FILIP1: variants seen among roughly 807,000 people sequenced by gnomAD.
The protein encoded by FILIP1 is filamin A interacting protein 1, also known as filamin-A-interacting protein 1.
In FILIP1, 61 loss-of-function variants were observed where a neutral mutation model predicts 102.1. The observed-to-expected ratio is 0.60, with a 90% CI of 0.49 to 0.74. The LOEUF (loss-of-function observed/expected upper bound fraction) is 0.74. Among genes scored for constraint, FILIP1 ranks in the 30% least tolerant of loss-of-function variants. The pLI, the probability that FILIP1 is intolerant of heterozygous loss-of-function variation, is 0.00. For missense variants in FILIP1, 1,314 were observed against 1,441.2 expected (o/e 0.91, Z 1.43); for synonymous variants, 491 against 526.9 (o/e 0.93, Z 0.93).
intron 1 of FILIP1, among the ~76,000 whole-genome samples, chr6:75,462,100 C>G (rs2149751766): frequency 6.6e-6 from 1 of 152,298 alleles, no homozygotes; most frequent in African/African-American, 2.4e-5. Context: ...TATTTCCACA[C>G]TTCTTACCAC....
intron 1 of FILIP1, among the ~76,000 whole-genome samples, chr6:75,440,917 C>T (rs1296785897): frequency 4.0e-5 from 6 of 150,356 alleles, no homozygotes; most frequent in Non-Finnish European, 5.9e-5. Flanking sequence ...CCGTTGCACT[C>T]CAGCCTGGGC....
At chr6:75,298,139 A>T (rs1454716772) in intron 6 of FILIP1, among the ~76,000 whole-genome samples, 2 of 152,150 alleles carry the variant, frequency 1.3e-5, no homozygotes. Context: ...GCATTTCAAA[A>T]TCTCCATCAT....
At chr6:75,397,172 A>C (rs1324021849) in intron 2 of FILIP1, among the ~76,000 whole-genome samples, 1 of 152,174 alleles carries the variant, frequency 6.6e-6, no homozygotes, top group African/African-American at 2.4e-5. Context: ...TAATAAAAAA[A>C]AGTAGTTTGA....
At chr6:75,372,756 A>G (rs1280586720) in intron 2 of FILIP1, among the ~76,000 whole-genome samples, 1 of 66,900 alleles carries the variant, frequency 1.5e-5, no homozygotes, top group African/African-American at 6.6e-5. Context: ...GAAAGAAAGA[A>G]AGAAAGAAAG....
At chr6:75,365,473 C>A (rs916777470) in intron 2 of FILIP1, among the ~76,000 whole-genome samples, 2 of 152,082 alleles carry the variant, frequency 1.3e-5, no homozygotes, top group Non-Finnish European at 2.9e-5. Flanking sequence ...CGGGTTCAAG[C>A]GATTCTCCTG....
intron 2 of FILIP1, among the ~76,000 whole-genome samples, chr6:75,368,437 A>C (rs982684639): frequency 6.6e-6 from 1 of 152,228 alleles, no homozygotes; most frequent in Non-Finnish European, 1.5e-5. Context: ...TGTGCAATGC[A>C]TTGTATTCAG....
chr6:75,316,780 C>T (rs1773463327), intron 4 of FILIP1, among the ~76,000 whole-genome samples: 1 of 152,182 alleles, frequency 6.6e-6, no homozygotes, highest in Non-Finnish European at 1.5e-5. Context: ...TTGCCTAATA[C>T]TGTAACAGCA....
chr6:75,471,630 C>T (rs1779333719), intron 1 of FILIP1, among the ~76,000 whole-genome samples: 1 of 152,118 alleles, frequency 6.6e-6, no homozygotes, highest in Non-Finnish European at 1.5e-5. Context: ...CAACAATCTT[C>T]ATCATAATAT....
rs185769363 is a variant in FILIP1 at position 75,368,022 on chromosome 6, G to A, written c.277-5105C>T. Among the ~76,000 whole-genome samples the A allele has an allele frequency of 5.3e-5, 8 of 152,256 alleles. No homozygotes were observed. In the East Asian group the frequency reaches 1.5e-3, roughly 29 times the overall value. ...ACCCAGAGAAGAATGCTTTGAAGAC[G>A]ACTCTATGTTCAACTTATTTACTCC... On this transcript the variant is annotated intron_variant, in intron 2 of 5. Transcript: ENST00000237172.
At chr6:75,355,935 G>A (rs188135319) in intron 3 of FILIP1, among the ~76,000 whole-genome samples, 69 of 152,076 alleles carry the variant, frequency 4.5e-4, no homozygotes, top group African/African-American at 1.5e-3. Context: ...TCTTCATTTC[G>A]GGGTGCTGTG....
chr6:75,462,897 T>C (rs1266003634), intron 1 of FILIP1, among the ~76,000 whole-genome samples: 2 of 152,076 alleles, frequency 1.3e-5, no homozygotes, highest in Non-Finnish European at 2.9e-5. Context: ...CCAAGAGCAG[T>C]TAAGTGGAGG....
intron 2 of FILIP1, among the ~76,000 whole-genome samples, chr6:75,370,047 C>T (rs1467796665): frequency 2.0e-5 from 3 of 152,206 alleles, no homozygotes; most frequent in African/African-American, 7.2e-5. Context: ...GAGGAAAGGA[C>T]AAATCCATTT....
rs139942948 is a variant in FILIP1, at chr6:75,451,765, C to T, written c.-6-36787G>A. Among the ~76,000 whole-genome samples the T allele has an allele frequency of 3.5e-3, 527 of 152,072 alleles. 7 individuals are homozygous for T. The highest frequency in any genetic ancestry group is 0.012 in the African/African-American group (504 of 41,452). Reference sequence around the variant, plus strand: ...AGGAGAATCGCTTGAACCCAGGAAGCGGAGATTCCAGTGAGCCGAGATTGA... The same window carrying T: ...AGGAGAATCGCTTGAACCCAGGAAGTGGAGATTCCAGTGAGCCGAGATTGA... On this transcript the variant is annotated intron_variant, in intron 1 of 5. Transcript: ENST00000237172.
At chr6:75,461,525 A>C (rs4311480) in intron 1 of FILIP1, among the ~76,000 whole-genome samples, 29,124 of 152,200 alleles carry the variant, frequency 0.19, 3,696 homozygotes, top group Non-Finnish European at 0.3. Flanking sequence ...AGAAAAAAAC[A>C]AAGTCCATTG....
chr6:75,455,052 G>A (rs1417281564), intron 1 of FILIP1: 1 of 151,146 alleles, frequency 6.6e-6, no homozygotes, highest in Non-Finnish European at 1.5e-5. Flanking sequence ...CCTCTTTGGG[G>A]ATGGAAAGAA....
chr6:75,488,394 G>A (rs1779856530), intron 1 of FILIP1, among the ~76,000 whole-genome samples: 1 of 151,272 alleles, frequency 6.6e-6, no homozygotes, highest in Non-Finnish European at 1.5e-5. Context: ...TATTCTGCCT[G>A]TAGCCTTTTC....
intron 1 of FILIP1, among the ~76,000 whole-genome samples, chr6:75,485,162 A>T (rs1403929746): frequency 6.6e-6 from 1 of 152,210 alleles, no homozygotes; most frequent in Non-Finnish European, 1.5e-5. Context: ...ATTGTAAAGA[A>T]ATCAAGAGAT....
chr6:75,442,069 T>G (rs1778275537), intron 1 of FILIP1, among the ~76,000 whole-genome samples: 1 of 148,998 alleles, frequency 6.7e-6, no homozygotes, highest in Non-Finnish European at 1.5e-5. Flanking sequence ...GGCTCCTCAC[T>G]TCTCAGACGG....
At chr6:75,325,455 C>T (rs1471027443) in intron 4 of FILIP1, among the ~76,000 whole-genome samples, 1 of 152,136 alleles carries the variant, frequency 6.6e-6, no homozygotes, top group African/African-American at 2.4e-5. Flanking sequence ...GCAGAGTAAA[C>T]ATCCCACAGA....
Sources: allele counts gnomAD v4.1 joint callset (sites outside exome capture counted in the v4.1 genomes callset), GRCh38; gene constraint gnomAD v4.1.1; transcripts MANE v1.5; gene names NCBI Gene and HGNC (gene_info 2026-07-23, HGNC 2026-07-21).